The following FTCDNL1 variants were observed in gnomAD, a reference collection of about 807,000 sequenced individuals.
FTCDNL1 encodes formiminotransferase cyclodeaminase N-terminal like.
In FTCDNL1, 11 loss-of-function variants were observed where a neutral mutation model predicts 5.9. The observed-to-expected ratio is 1.87, with a 90% CI of 1.18 to 3.10. FTCDNL1 has a LOEUF of 3.10. Among genes scored for constraint, FTCDNL1 ranks in the 30% most tolerant of loss-of-function variants. The pLI is 0.00. For synonymous variants in FTCDNL1, 58 were observed against 24.8 expected, an observed-to-expected ratio of 2.34 and a Z score of -3.99; for missense variants, 115 against 65.5, an observed-to-expected ratio of 1.76 and a Z score of -2.61.
At chr2:199,726,605 A>G in the FTCDNL1 span, among the ~76,000 whole-genome samples, 2 of 151,332 alleles carry the variant, frequency 1.3e-5, no homozygotes, top group Non-Finnish European at 2.9e-5. Context: ...TGTTGTTGTT[A>G]TTGTTGTTGT....
At chr2:199,742,629 T>C in the FTCDNL1 span, among the ~76,000 whole-genome samples, 128,627 of 152,176 alleles carry the variant, frequency 0.85, 55,472 homozygotes, top group East Asian at 1. Flanking sequence ...GTTTAATGAT[T>C]TCAACCGCCA....
At chr2:199,816,286 C>T (rs1354783020) in intron 4 of FTCDNL1, among the ~76,000 whole-genome samples, 2 of 152,130 alleles carry the variant, frequency 1.3e-5, no homozygotes, top group Non-Finnish European at 2.9e-5. Context: ...CTGTTTCTTC[C>T]ACAAGCTAAG....
At chr2:199,690,592 A>G in the FTCDNL1 span, among the ~76,000 whole-genome samples, 14 of 152,118 alleles carry the variant, frequency 9.2e-5, no homozygotes, top group African/African-American at 3.4e-4. Context: ...GGTGGTCACT[A>G]GCTCCTTTGG....
At chr2:199,721,627 G>A in the FTCDNL1 span, among the ~76,000 whole-genome samples, 1 of 152,208 alleles carries the variant, frequency 6.6e-6, no homozygotes, top group Admixed American at 6.5e-5. Flanking sequence ...TTATATTCCT[G>A]TAGGTATATA....
chr2:199,802,642 T>G (rs997386127), intron 3 of FTCDNL1, among the ~76,000 whole-genome samples: 3 of 152,176 alleles, frequency 2.0e-5, no homozygotes, highest in Non-Finnish European at 4.4e-5. Context: ...ATGGCTGACT[T>G]GGCTATTTCA....
chr2:199,670,531 G>A, the FTCDNL1 span, among the ~76,000 whole-genome samples: 4 of 152,112 alleles, frequency 2.6e-5, no homozygotes, highest in South Asian at 8.3e-4. Flanking sequence ...AAGTAATAAG[G>A]TCTTTCTCTC....
chr2:199,816,182 T>C (rs941078170), intron 4 of FTCDNL1, among the ~76,000 whole-genome samples: 5 of 152,220 alleles, frequency 3.3e-5, no homozygotes, highest in Admixed American at 1.3e-4. Flanking sequence ...CTGATCCTCC[T>C]TGAAATACTT....
chr2:199,794,684 C>T (rs1700090653), intron 3 of FTCDNL1, among the ~76,000 whole-genome samples: 2 of 152,134 alleles, frequency 1.3e-5, no homozygotes, highest in South Asian at 4.1e-4. Flanking sequence ...TTGAGACCAG[C>T]CTGAGCAACA....
At chr2:199,775,550 A>C (rs1699016097) in intron 3 of FTCDNL1, among the ~76,000 whole-genome samples, 1 of 152,152 alleles carries the variant, frequency 6.6e-6, no homozygotes, top group South Asian at 2.1e-4. Context: ...AGCTTGGGAA[A>C]TCAGTGGCTT....
At chr2:199,793,936 C>T (rs993508966) in intron 3 of FTCDNL1, among the ~76,000 whole-genome samples, 9 of 152,094 alleles carry the variant, frequency 5.9e-5, no homozygotes, top group Non-Finnish European at 7.3e-5. Context: ...AGGACCAAAA[C>T]GTTATAGAAA....
At position 199,767,212 on chromosome 2, in the gene FTCDNL1, C is replaced by A. The variant is rs554498598; in HGVS notation, c.212-6377G>T. 3.0e-4 allele frequency among the ~76,000 whole-genome samples: 45 copies of A among 152,230 alleles called. 1 individual carries two copies. Among genetic ancestry groups the A allele is most frequent in the Admixed American group, 2.6e-3 (39 of 15,294 alleles). ...TTGAAAAAACAGATTCTTTTCCATACCAGGTACCATGTTTCTCTGAGTATT... is the reference window on the plus strand; with the variant it reads ...TTGAAAAAACAGATTCTTTTCCATAACAGGTACCATGTTTCTCTGAGTATT... On this transcript the variant is annotated intron_variant, in intron 3 of 3. Coordinates refer to the FTCDNL1 transcript ENST00000416668.
intron 3 of FTCDNL1, among the ~76,000 whole-genome samples, chr2:199,777,453 C>G (rs1699149256): frequency 6.6e-6 from 1 of 152,112 alleles, no homozygotes; most frequent in East Asian, 1.9e-4. Context: ...GCAGAATTTT[C>G]TTTTCTCTAA....
intron 3 of FTCDNL1, among the ~76,000 whole-genome samples, chr2:199,830,441 T>C (rs1702296141): frequency 6.6e-6 from 1 of 152,182 alleles, no homozygotes; most frequent in East Asian, 1.9e-4. Flanking sequence ...TTTCTCTCTT[T>C]GCAATTCAAA....
intron 3 of FTCDNL1, among the ~76,000 whole-genome samples, chr2:199,764,444 T>C (rs1364192404): frequency 2.6e-5 from 4 of 152,204 alleles, no homozygotes; most frequent in Admixed American, 2.6e-4. Context: ...TGTACCATGC[T>C]GCCACTTAGA....
intron 3 of FTCDNL1, among the ~76,000 whole-genome samples, chr2:199,775,058 G>C (rs1698991587): frequency 6.6e-6 from 1 of 152,206 alleles, no homozygotes; most frequent in Admixed American, 6.5e-5. Context: ...TAGAATGCCA[G>C]GGATCTTCCA....
chr2:199,835,952 CTGAG>C (rs1169127951), intron 3 of FTCDNL1, among the ~76,000 whole-genome samples: 23 of 152,174 alleles, frequency 1.5e-4, no homozygotes, highest in African/African-American at 5.5e-4. Context: ...TGGTTTAACA[CTGAG>C]TGTCTTAAGA....
At chr2:199,692,246 G>C in the FTCDNL1 span, among the ~76,000 whole-genome samples, 1 of 152,034 alleles carries the variant, frequency 6.6e-6, no homozygotes, top group African/African-American at 2.4e-5. Flanking sequence ...CTAAGCAGGG[G>C]GCAGAGAAGA....
intron 3 of FTCDNL1, among the ~76,000 whole-genome samples, chr2:199,782,678 C>T (rs1178921287): frequency 6.6e-6 from 1 of 152,210 alleles, no homozygotes; most frequent in East Asian, 1.9e-4. Context: ...CTGGTCTCCA[C>T]GTATCCTCCT....
chr2:199,736,720 G>A, the FTCDNL1 span, among the ~76,000 whole-genome samples: 23 of 152,280 alleles, frequency 1.5e-4, no homozygotes, highest in African/African-American at 4.6e-4. Context: ...AGTGTCATTC[G>A]GCATCACAGT....
Sources: gnomAD v4.1 joint callset for allele counts (sites outside exome capture counted in the v4.1 genomes callset) on GRCh38, gnomAD v4.1.1 for gene constraint, MANE v1.5 for transcripts, NCBI Gene and HGNC (gene_info 2026-07-23, HGNC 2026-07-21) for gene names.